Variants in TMEM178B observed in about 807,000 individuals in gnomAD.
TMEM178B encodes the protein transmembrane protein 178B.
TMEM178B carries 5 observed loss-of-function variants against 31.0 expected under a neutral mutation model. That is an observed-to-expected ratio of 0.16 (90% CI 0.08 to 0.34). The LOEUF (loss-of-function observed/expected upper bound fraction) is 0.34. TMEM178B is among the 10% of genes least tolerant of loss of function. TMEM178B has a pLI of 1.00. For missense variants in TMEM178B, 275 were observed against 400.3 expected, an observed-to-expected ratio of 0.69 and a Z score of 2.67; for synonymous variants, 164 against 164.0, an observed-to-expected ratio of 1.00 and a Z score of 0.00.
chr7:141,397,856 A>G (rs915658930), intron 2 of TMEM178B, among the ~76,000 whole-genome samples: 1 of 152,198 alleles, frequency 6.6e-6, no homozygotes, highest in Non-Finnish European at 1.5e-5. Context: ...TTCTGCCCCC[A>G]CTGTCCCCAG....
chr7:141,325,042 A>T (rs1162965272), intron 2 of TMEM178B, among the ~76,000 whole-genome samples: 1 of 152,116 alleles, frequency 6.6e-6, no homozygotes, highest in African/African-American at 2.4e-5. Context: ...GAAGCAAAAA[A>T]AATCCTGCCT....
chr7:141,132,407 A>G (rs1795608605), intron 1 of TMEM178B, among the ~76,000 whole-genome samples: 1 of 152,242 alleles, frequency 6.6e-6, no homozygotes, highest in Non-Finnish European at 1.5e-5. Context: ...TAAAGCTATG[A>G]AAGTAAACAT....
intron 2 of TMEM178B, among the ~76,000 whole-genome samples, chr7:141,335,397 G>A (rs543790043): frequency 1.3e-5 from 2 of 152,142 alleles, no homozygotes; most frequent in Non-Finnish European, 2.9e-5. Flanking sequence ...CCCAGAGGGC[G>A]CTCTGGAAAT....
At position 141,108,994 on chromosome 7, in the gene TMEM178B, T is replaced by C. The variant is rs530188914; in HGVS notation, c.382+34302T>C. ...GGCAAGAGAGAGAATGAGAGCCAAG[T>C]GAAACGGATTTCCCCTTATCAAACC... On this transcript the variant is annotated intron_variant, in intron 1 of 3. Transcript: ENST00000565468. Among the ~76,000 whole-genome samples the C allele has an allele frequency of 1.4e-4, 22 of 152,262 alleles. No homozygotes were observed. In the South Asian group the frequency reaches 2.1e-3, roughly 14 times the overall value.
intron 1 of TMEM178B, among the ~76,000 whole-genome samples, chr7:141,121,281 T>A (rs1456673673): frequency 3.9e-5 from 6 of 152,226 alleles, no homozygotes; most frequent in Non-Finnish European, 1.5e-5. Flanking sequence ...TGCTTAGCTT[T>A]TTATCTATCT....
At chr7:141,385,572 A>T (rs1468930943) in intron 2 of TMEM178B, among the ~76,000 whole-genome samples, 1 of 152,260 alleles carries the variant, frequency 6.6e-6, no homozygotes, top group Non-Finnish European at 1.5e-5. Context: ...CATATCATTA[A>T]TGCTCACCGA....
At chr7:141,109,160 G>A (rs1170341157) in intron 1 of TMEM178B, among the ~76,000 whole-genome samples, 1 of 152,118 alleles carries the variant, frequency 6.6e-6, no homozygotes, top group African/African-American at 2.4e-5. Flanking sequence ...GTTGGGTGGG[G>A]GACACAGAGC....
intron 2 of TMEM178B, among the ~76,000 whole-genome samples, chr7:141,302,073 G>T (rs2116442924): frequency 6.6e-6 from 1 of 152,250 alleles, no homozygotes; most frequent in Middle Eastern, 3.4e-3. Context: ...GATGGCTGAT[G>T]GTGATGGCAA....
chr7:141,411,442 A>T (rs1409221924), intron 2 of TMEM178B, among the ~76,000 whole-genome samples: 2 of 152,190 alleles, frequency 1.3e-5, no homozygotes, highest in African/African-American at 4.8e-5. Flanking sequence ...TATAAACATA[A>T]TTTTTAAAGG....
chr7:141,138,704 C>T (rs904395051), intron 1 of TMEM178B, among the ~76,000 whole-genome samples: 17 of 151,904 alleles, frequency 1.1e-4, no homozygotes, highest in Non-Finnish European at 2.1e-4. Flanking sequence ...AAGTGGTGGC[C>T]GGGCGGGGTG....
At chr7:141,396,438 C>T (rs575440124) in intron 2 of TMEM178B, among the ~76,000 whole-genome samples, 3 of 152,348 alleles carry the variant, frequency 2.0e-5, no homozygotes, top group African/African-American at 7.2e-5. Context: ...GTCCCTGGTT[C>T]TGCGGCATTT....
At chr7:141,469,197 G>T (rs1008221950) in intron 3 of TMEM178B, among the ~76,000 whole-genome samples, 1 of 152,148 alleles carries the variant, frequency 6.6e-6, no homozygotes, top group Non-Finnish European at 1.5e-5. Flanking sequence ...AATGATTTGG[G>T]GGTTGCTTTT....
chr7:141,432,542 T>C (rs1429746530), intron 2 of TMEM178B, among the ~76,000 whole-genome samples: 3 of 152,216 alleles, frequency 2.0e-5, no homozygotes, highest in East Asian at 3.9e-4. Flanking sequence ...ACTATTAATA[T>C]ATAAGTTAGA....
chr7:141,398,653 G>A (rs1800699754), intron 2 of TMEM178B, among the ~76,000 whole-genome samples: 1 of 152,188 alleles, frequency 6.6e-6, no homozygotes, highest in African/African-American at 2.4e-5. Context: ...CAGGAAGCAG[G>A]AAATGTGATT....
intron 1 of TMEM178B, among the ~76,000 whole-genome samples, chr7:141,142,430 T>C (rs148297372): frequency 0.059 from 8,809 of 150,160 alleles, 898 homozygotes; most frequent in African/African-American, 0.21. Flanking sequence ...TTTTTTGAGA[T>C]GGAGTCTCGC....
intron 2 of TMEM178B, among the ~76,000 whole-genome samples, chr7:141,316,057 T>C (rs979644052): frequency 6.6e-6 from 1 of 152,152 alleles, no homozygotes; most frequent in Non-Finnish European, 1.5e-5. Flanking sequence ...GTGAGAGTGA[T>C]GCCCGGGGTG....
At chr7:141,249,088 G>T (rs1030534438) in intron 2 of TMEM178B, among the ~76,000 whole-genome samples, 7 of 152,186 alleles carry the variant, frequency 4.6e-5, no homozygotes, top group African/African-American at 1.7e-4. Flanking sequence ...GGAAGAGGAA[G>T]AGTGACTGAT....
At chr7:141,223,092 C>T (rs531223453) in intron 2 of TMEM178B, among the ~76,000 whole-genome samples, 4 of 152,246 alleles carry the variant, frequency 2.6e-5, no homozygotes, top group African/African-American at 9.6e-5. Flanking sequence ...CTGTCTAGCC[C>T]GGCCCTGCCT....
At chr7:141,277,649 C>G (rs953493079) in intron 2 of TMEM178B, among the ~76,000 whole-genome samples, 2 of 151,942 alleles carry the variant, frequency 1.3e-5, no homozygotes, top group Non-Finnish European at 2.9e-5. Flanking sequence ...CTATTGTAAA[C>G]TCTTGGGACC....
Sources: gnomAD v4.1 joint callset for allele counts (sites outside exome capture counted in the v4.1 genomes callset) on GRCh38, gnomAD v4.1.1 for gene constraint, MANE v1.5 for transcripts, NCBI Gene and HGNC (gene_info 2026-07-23, HGNC 2026-07-21) for gene names.